Variants in NEXMIF observed in about 807,000 individuals in gnomAD.
The protein encoded by NEXMIF is XLMR protein related to neurite extension.
In NEXMIF, 8 loss-of-function variants were observed where a neutral mutation model predicts 62.1. The ratio of observed to expected loss-of-function variants is 0.13; its 90% CI spans 0.08 to 0.23. The LOEUF is 0.23. Among genes scored for constraint, NEXMIF ranks in the 10% least tolerant of loss-of-function variants. The pLI, the probability that NEXMIF is intolerant of heterozygous loss-of-function variation, is 1.00. For missense variants in NEXMIF, 976 were observed against 1,113.3 expected (o/e 0.88, Z 1.75); for synonymous variants, 404 against 416.6 (o/e 0.97, Z 0.37).
At chrX:74,827,553 A>T (rs1239328427) in intron 1 of NEXMIF, among the ~76,000 whole-genome samples, 1 of 112,389 alleles carries the variant, frequency 8.9e-6, no homozygotes, top group African/African-American at 3.2e-5. Context: ...TGCCTAGTTG[A>T]TTCCAACTGG....
At chrX:74,887,219 C>T (rs1218108188) in intron 1 of NEXMIF, among the ~76,000 whole-genome samples, 1 of 111,703 alleles carries the variant, frequency 9.0e-6, no homozygotes, top group African/African-American at 3.3e-5. Flanking sequence ...CTAGGCATTA[C>T]CATTCAGGAC....
intron 1 of NEXMIF, among the ~76,000 whole-genome samples, chrX:74,865,809 G>A (rs968121328): frequency 2.6e-4 from 29 of 112,085 alleles, no homozygotes; most frequent in African/African-American, 9.4e-4. Flanking sequence ...TCCATGTGTT[G>A]TTGAGCTTGT....
chrX:74,780,849 T>C (rs1409352635), intron 1 of NEXMIF, among the ~76,000 whole-genome samples: 1 of 111,583 alleles, frequency 9.0e-6, no homozygotes, highest in Non-Finnish European at 1.9e-5. Flanking sequence ...TAGGAAGTGG[T>C]AGAAACAAGA....
At chrX:74,832,633 G>A (rs1266474923) in intron 1 of NEXMIF, among the ~76,000 whole-genome samples, 1 of 111,087 alleles carries the variant, frequency 9.0e-6, no homozygotes, top group Non-Finnish European at 1.9e-5. Flanking sequence ...TCTTTGCTCC[G>A]ATCATTATTT....
chrX:74,820,027 G>A (rs912067320), intron 1 of NEXMIF, among the ~76,000 whole-genome samples: 11 of 111,377 alleles, frequency 9.9e-5, no homozygotes, highest in Non-Finnish European at 2.1e-4. Flanking sequence ...ATGAGTTCAT[G>A]TCCTTTGCAG....
intron 2 of NEXMIF, among the ~76,000 whole-genome samples, chrX:74,745,365 T>C (rs1344148872): frequency 9.0e-6 from 1 of 111,446 alleles, no homozygotes; most frequent in Non-Finnish European, 1.9e-5. Flanking sequence ...CAGATATGAT[T>C]TGGGAGGGCA....
At chrX:74,857,180 G>T (rs2080538310) in intron 1 of NEXMIF, among the ~76,000 whole-genome samples, 1 of 111,956 alleles carries the variant, frequency 8.9e-6, no homozygotes, top group African/African-American at 3.2e-5. Flanking sequence ...CACAAGCCAG[G>T]GCAGTGAAGG....
intron 1 of NEXMIF, among the ~76,000 whole-genome samples, chrX:74,762,453 A>G (rs993768597): frequency 9.9e-5 from 11 of 111,581 alleles, no homozygotes; most frequent in African/African-American, 3.6e-4. Context: ...TAGCAGCATG[A>G]TTTATAATCC....
At chrX:74,841,139 T>C (rs960808402) in intron 1 of NEXMIF, among the ~76,000 whole-genome samples, 3 of 111,654 alleles carry the variant, frequency 2.7e-5, no homozygotes, top group Non-Finnish European at 5.6e-5. Flanking sequence ...TTTATTTGTG[T>C]CCTCTCTGAT....
intron 1 of NEXMIF, among the ~76,000 whole-genome samples, chrX:74,918,480 T>C (rs936126610): frequency 8.9e-5 from 10 of 111,927 alleles, no homozygotes; most frequent in Non-Finnish European, 7.5e-5. Flanking sequence ...ACATGACAAA[T>C]ATTGGGGAGG....
intron 1 of NEXMIF, among the ~76,000 whole-genome samples, chrX:74,796,182 C>CAT (rs1365320435): frequency 1.7e-5 from 1 of 58,414 alleles, no homozygotes; most frequent in Non-Finnish European, 3.0e-5. Flanking sequence ...TATATATATA[C>CAT]ATATATATTA....
intron 1 of NEXMIF, among the ~76,000 whole-genome samples, chrX:74,884,953 A>C (rs1239548023): frequency 9.0e-6 from 1 of 111,393 alleles, no homozygotes; most frequent in Middle Eastern, 4.2e-3. Context: ...TGTCTCTCAG[A>C]CCACAGTGCA....
At chrX:74,843,474 G>A (rs774049320) in intron 1 of NEXMIF, among the ~76,000 whole-genome samples, 17 of 109,905 alleles carry the variant, frequency 1.5e-4, no homozygotes, top group Non-Finnish European at 3.0e-4. Context: ...GAGTGCAGTG[G>A]TGTGATCTCG....
chrX:74,757,283 T>C (rs975299733), intron 1 of NEXMIF, among the ~76,000 whole-genome samples: 3 of 112,351 alleles, frequency 2.7e-5, no homozygotes, highest in African/African-American at 6.5e-5. Context: ...AAAGTTCTAC[T>C]AGACAGCACT....
chrX:74,923,605 C>T (rs748021120), intron 1 of NEXMIF, among the ~76,000 whole-genome samples: 1 of 111,795 alleles, frequency 8.9e-6, no homozygotes, highest in South Asian at 3.8e-4. Context: ...AAGGGAGATT[C>T]ACCCCTCCAA....
intron 1 of NEXMIF, among the ~76,000 whole-genome samples, chrX:74,791,614 T>C (rs1444622879): frequency 9.0e-6 from 1 of 111,332 alleles, no homozygotes; most frequent in Admixed American, 9.5e-5. Flanking sequence ...TCCTGGACTC[T>C]TTTTGGTTGG....
intron 1 of NEXMIF, among the ~76,000 whole-genome samples, chrX:74,825,753 C>T (rs1229481695): frequency 8.9e-6 from 1 of 112,102 alleles, no homozygotes; most frequent in Admixed American, 9.4e-5. Context: ...TGGTGTTTTG[C>T]CATGTTGGCC....
At chrX:74,828,001 T>C (rs1327655824) in intron 1 of NEXMIF, among the ~76,000 whole-genome samples, 1 of 111,141 alleles carries the variant, frequency 9.0e-6, no homozygotes, top group East Asian at 2.8e-4. Context: ...GTGGAAAAAA[T>C]AGCATGCCCC....
chrX:74,734,541 G>A lies in NEXMIF; in HGVS notation c.*4864C>T. 8.9e-6 allele frequency: 1 copy of A among 112,212 alleles called. No homozygotes were observed. The highest frequency in any genetic ancestry group is 1.9e-5 in the Non-Finnish European group (1 of 53,190). The allele number at this position is 112,212 out of a possible 1,213,427, so 9.2% of individuals were successfully genotyped here. ...TCTTTTCTTCTTTTTGAAATGGGAT[G>A]TCATTCTGAGACTCAGAAACCCCTG... is the stretch of plus-strand genomic sequence containing the variant. On this transcript the variant is annotated 3_prime_UTR_variant, in exon 4 of 4. Transcript: ENST00000055682.
Sources: allele counts gnomAD v4.1 joint callset (sites outside exome capture counted in the v4.1 genomes callset), GRCh38; gene constraint gnomAD v4.1.1; transcripts MANE v1.5; gene names NCBI Gene and HGNC (gene_info 2026-07-23, HGNC 2026-07-21).